Variants in ADAT2 observed in about 807,000 individuals in gnomAD.
The protein encoded by ADAT2 is tRNA-specific adenosine-34 deaminase catalytic subunit ADAT2.
Under a neutral mutation model 25.9 loss-of-function variants are expected in ADAT2, and 26 were observed. The ratio of observed to expected loss-of-function variants is 1.00; its 90% CI spans 0.74 to 1.39. ADAT2 has a LOEUF of 1.39. Ranked by LOEUF, ADAT2 falls within the 40% of genes most tolerant of loss-of-function variation. The pLI is 0.00. For synonymous variants in ADAT2, 76 were observed against 86.8 expected, an observed-to-expected ratio of 0.88 and a Z score of 0.69; for missense variants, 220 against 244.8, an observed-to-expected ratio of 0.90 and a Z score of 0.68.
Position 143,433,971 on chromosome 6 carries a change from T to C in ADAT2, c.212A>G (p.His71Arg), listed in dbSNP as rs982671785. The change falls in exon 3 of 6, where the codon CAT (histidine) becomes CGT (arginine). Residue 71 changes from histidine to arginine, a missense_variant. Coordinates refer to ENST00000237283, the MANE Select transcript of ADAT2 (RefSeq NM_182503.3). ...CTGATCGATGGCCACCATTTCTGCA[T>C]GTCGAGTAGCCTGAAAAGAGAAAGG... ...EVNQTKNATRHAEMVAIDQVL... is the reference protein window; with the variant it reads ...EVNQTKNATRRAEMVAIDQVL... 2.5e-6 allele frequency: 4 copies of C among 1,613,972 alleles called. No homozygotes were observed. Among genetic ancestry groups the C allele is most frequent in the African/African-American group, 2.7e-5 (2 of 74,940 alleles).
At position 143,428,703 on chromosome 6, in the gene ADAT2, T is replaced by G. The variant is rs748939731; in HGVS notation, c.460-19A>C. ...GGATACACTGATGGAATGAGAAAGT[T>G]GAGAATAAACATAGGCCTATGAAAA... On this transcript the variant is annotated intron_variant, in intron 4 of 5. Coordinates refer to ENST00000237283, the MANE Select transcript of ADAT2 (RefSeq NM_182503.3). The surrounding 1 kb of genome is among the most constrained non-coding windows in gnomAD (Gnocchi z 5.0). The G allele has an allele frequency of 6.2e-7, 1 of 1,612,478 alleles. No individual in the cohort carries two copies. Among genetic ancestry groups the G allele is most frequent in the South Asian group, 1.1e-5 (1 of 90,896 alleles).
chr6:143,437,815 A>G lies in ADAT2; in HGVS notation c.201+775T>C, dbSNP rs1408506625. Among the ~76,000 whole-genome samples, 1 of 152,230 alleles carries G rather than the reference A, an allele frequency of 6.6e-6. No homozygotes were observed. The highest frequency in any genetic ancestry group is 1.5e-5 in the Non-Finnish European group (1 of 68,036). Reference sequence around the variant, plus strand: ...GATAAAAGTCTGTGTGAATGGCATTACAGGTATAAGTGATCTTTGAGTCCA... The same window carrying G: ...GATAAAAGTCTGTGTGAATGGCATTGCAGGTATAAGTGATCTTTGAGTCCA... On this transcript the variant is annotated intron_variant, in intron 2 of 5. Transcript: ENST00000237283. The surrounding 1 kb of genome is among the most constrained non-coding windows in gnomAD (Gnocchi z 4.1).
At chr6:143,438,909 G>A (rs1377872868) in intron 1 of ADAT2, among the ~76,000 whole-genome samples, 1 of 152,110 alleles carries the variant, frequency 6.6e-6, no homozygotes, top group African/African-American at 2.4e-5. Flanking sequence ...AAATCCCCTT[G>A]ATAGGTCCAG....
chr6:143,447,839 G>A (rs1184556505), intron 1 of ADAT2, among the ~76,000 whole-genome samples: 1 of 152,124 alleles, frequency 6.6e-6, no homozygotes, highest in Admixed American at 6.5e-5. Flanking sequence ...ACAGTGTGGC[G>A]ATTCCTCAAG....
intron 1 of ADAT2, among the ~76,000 whole-genome samples, chr6:143,449,394 A>C (rs570386091): frequency 9.8e-5 from 15 of 152,288 alleles, no homozygotes; most frequent in Admixed American, 3.9e-4. Flanking sequence ...GTTTTCAAAG[A>C]ATTTCTAGAC....
rs918792378 is a variant in ADAT2, at chr6:143,425,354, A to G, written c.*3109T>C. The stretch of plus-strand genomic sequence containing the variant: ...ACATAGTGAGACCTTGTCTCTACAA[A>G]AAAAAAAAAAAAAAAAAATTAGGTG... On this transcript the variant is annotated 3_prime_UTR_variant, in exon 6 of 6. Coordinates refer to ENST00000237283, the MANE Select transcript of ADAT2 (RefSeq NM_182503.3). 54 of 83,946 alleles carry G rather than the reference A, an allele frequency of 6.4e-4. 1 individual carries two copies. Among genetic ancestry groups the G allele is most frequent in the Non-Finnish European group, 1.1e-3 (39 of 36,948 alleles). 5.2% of individuals were successfully genotyped at this position (83,946 alleles called of 1,614,324 possible).
rs1036676853 is a variant in ADAT2 at position 143,434,550 on chromosome 6, C to T, written c.202-569G>A. Among the ~76,000 whole-genome samples, 1 of 152,194 alleles carries T rather than the reference C, an allele frequency of 6.6e-6. No individual in the cohort carries two copies. The highest frequency in any genetic ancestry group is 2.4e-5 in the African/African-American group (1 of 41,452). On this transcript the variant is annotated intron_variant, in intron 2 of 5. Transcript: ENST00000237283. The surrounding 1 kb of genome is among the most constrained non-coding windows in gnomAD (Gnocchi z 4.5). ...GTAGAGGATAGGAGAAATCACATAG[C>T]ATGTGGAAGTGACTCCATTTAAATT...
intron 1 of ADAT2, among the ~76,000 whole-genome samples, chr6:143,448,947 G>A (rs1779674126): frequency 6.6e-6 from 1 of 151,940 alleles, no homozygotes; most frequent in Non-Finnish European, 1.5e-5. Flanking sequence ...CTTTTACGTC[G>A]GAAAGTACTT....
At position 143,426,711 on chromosome 6, in the gene ADAT2, C is replaced by T. The variant is rs2128737243; in HGVS notation, c.*1752G>A. The T allele has an allele frequency of 6.6e-6, 1 of 152,162 alleles. No homozygotes were observed. The highest frequency in any genetic ancestry group is 2.1e-4 in the South Asian group (1 of 4,818). The allele number at this position is 152,162 out of a possible 1,614,324, so 9.4% of individuals were successfully genotyped here. A position where few individuals can be genotyped will look rare whatever the true frequency, so the allele number is the denominator to read the frequency against. On this transcript the variant is annotated 3_prime_UTR_variant, in exon 6 of 6. Coordinates refer to ENST00000237283, the MANE Select transcript of ADAT2 (RefSeq NM_182503.3). The surrounding 1 kb of genome is among the most constrained non-coding windows in gnomAD (Gnocchi z 4.1). ...ACTATTTTCGGCTTTGGCTTTTTGTCCTAGATAGTCTTCTTATTCACTTTT... is the reference window on the plus strand; with the variant it reads ...ACTATTTTCGGCTTTGGCTTTTTGTTCTAGATAGTCTTCTTATTCACTTTT...
chr6:143,448,099 T>C (rs1161007172), intron 1 of ADAT2, among the ~76,000 whole-genome samples: 1 of 152,156 alleles, frequency 6.6e-6, no homozygotes, highest in Non-Finnish European at 1.5e-5. Context: ...TTTTCATTTG[T>C]AGGGACATGG....
In ADAT2 at chr6:143,444,841, G is replaced by A. The variant is rs182647194; in HGVS notation, c.96+5722C>T. On this transcript the variant is annotated intron_variant, in intron 1 of 5. Coordinates refer to ENST00000237283, the MANE Select transcript of ADAT2 (RefSeq NM_182503.3). The surrounding 1 kb of genome is among the most constrained non-coding windows in gnomAD (Gnocchi z 4.3). Reference sequence around the variant, plus strand: ...AAAGCACCTAGATGGAAGAGACTTCGTAGTTTATTATTTTCTCCAAAGACA... The same window carrying A: ...AAAGCACCTAGATGGAAGAGACTTCATAGTTTATTATTTTCTCCAAAGACA... 17 of 998,244 alleles carry A rather than the reference G, an allele frequency of 1.7e-5. No homozygotes were observed. The East Asian group carries it at 3.5e-4, about 20-fold the overall frequency. The allele number at this position is 998,244 out of a possible 1,614,324, so 61.8% of individuals were successfully genotyped here. A position where few individuals can be genotyped will look rare whatever the true frequency, so the allele number is the denominator to read the frequency against.
rs995422623 is a variant in ADAT2, at chr6:143,436,568, T to C, written c.201+2022A>G. ...TGCAAGGCCTTCCTGCACTGGTACA[T>C]GGGCGAGGGCAAGAATGAGATGGAA... On this transcript the variant is annotated intron_variant, in intron 2 of 5. Coordinates refer to ENST00000237283, the MANE Select transcript of ADAT2 (RefSeq NM_182503.3). The surrounding 1 kb of genome is among the most constrained non-coding windows in gnomAD (Gnocchi z 4.1). The C allele has an allele frequency of 2.4e-6, 1 of 412,440 alleles. No individual in the cohort carries two copies. The highest frequency in any genetic ancestry group is 2.1e-5 in the South Asian group (1 of 48,748). The allele number at this position is 412,440 out of a possible 1,614,324, so 25.5% of individuals were successfully genotyped here.
At position 143,434,867 on chromosome 6, in the gene ADAT2, G is replaced by GAGTA. The variant is rs781157655; in HGVS notation, c.202-890_202-887dup. On this transcript the variant is annotated intron_variant, in intron 2 of 5. Transcript: ENST00000237283. This position sits in a 1 kb window ranked among gnomAD's most constrained non-coding sequence, Gnocchi z 4.5. ...ATAGTATTTATCAATAATTTACACTGAGTATTAACCATGCACAAGCCACTG... is the reference window on the plus strand; with the variant it reads ...ATAGTATTTATCAATAATTTACACTGAGTAAGTATTAACCATGCACAAGCCACTG... Among the ~76,000 whole-genome samples, 31 of 152,068 alleles carry GAGTA rather than the reference G, an allele frequency of 2.0e-4. No homozygotes were observed. The highest frequency in any genetic ancestry group is 4.0e-4 in the Non-Finnish European group (27 of 68,036).
Position 143,424,698 on chromosome 6 carries a change from T to C in ADAT2, c.*3765A>G, listed in dbSNP as rs1215199980. 1 of 152,250 alleles carries C rather than the reference T, an allele frequency of 6.6e-6. No homozygotes were observed. The highest frequency in any genetic ancestry group is 1.5e-5 in the Non-Finnish European group (1 of 68,044). 9.4% of individuals were successfully genotyped at this position (152,250 alleles called of 1,614,324 possible). A position where few individuals can be genotyped will look rare whatever the true frequency, so the allele number is the denominator to read the frequency against. ...ATTTATTTCTCAGGCTTAATTTTGA[T>C]GCTTATTAAGATATCACTATTTAAA... is the stretch of plus-strand genomic sequence containing the variant. On this transcript the variant is annotated 3_prime_UTR_variant, in exon 6 of 6. Transcript: ENST00000237283. This position sits in a 1 kb window ranked among gnomAD's most constrained non-coding sequence, Gnocchi z 4.8.
At position 143,434,141 on chromosome 6, in the gene ADAT2, C is replaced by T. The variant is rs1249129379; in HGVS notation, c.202-160G>A. Among the ~76,000 whole-genome samples the T allele has an allele frequency of 2.0e-5, 3 of 152,130 alleles. No homozygotes were observed. The highest frequency in any genetic ancestry group is 6.5e-5 in the Admixed American group (1 of 15,270). On this transcript the variant is annotated intron_variant, in intron 2 of 5. Transcript: ENST00000237283. This position sits in a 1 kb window ranked among gnomAD's most constrained non-coding sequence, Gnocchi z 4.5. ...CCTTAGCAGTGGACAACGTATTCCCCAATTCAAGTACCATAACCTCACTTG... is the reference window on the plus strand; with the variant it reads ...CCTTAGCAGTGGACAACGTATTCCCTAATTCAAGTACCATAACCTCACTTG...
intron 1 of ADAT2, among the ~76,000 whole-genome samples, chr6:143,439,697 T>C (rs764923517): frequency 1.3e-5 from 2 of 152,182 alleles, no homozygotes; most frequent in Non-Finnish European, 2.9e-5. Flanking sequence ...TGCAGATTGA[T>C]TGGGGAGGTA....
chr6:143,444,624 T>TC lies in ADAT2; in HGVS notation c.97-5931_97-5930insG, dbSNP rs1360927300. 6.4e-6 allele frequency: 1 copy of TC among 155,108 alleles called. No homozygotes were observed. The highest frequency in any genetic ancestry group is 2.4e-5 in the African/African-American group (1 of 41,476). 9.6% of individuals were successfully genotyped at this position (155,108 alleles called of 1,614,324 possible). A position where few individuals can be genotyped will look rare whatever the true frequency, so the allele number is the denominator to read the frequency against. ...TGAATTTAACCTTTCTTGCCTTTTT[T>TC]AGGGGGAAAGACCAAGATCAGATAC... On this transcript the variant is annotated intron_variant, in intron 1 of 5. Coordinates refer to ENST00000237283, the MANE Select transcript of ADAT2 (RefSeq NM_182503.3). This position sits in a 1 kb window ranked among gnomAD's most constrained non-coding sequence, Gnocchi z 4.3.
intron 1 of ADAT2, among the ~76,000 whole-genome samples, chr6:143,439,346 CAAAA>C (rs35250658): frequency 2.4e-3 from 268 of 111,542 alleles, no homozygotes; most frequent in African/African-American, 8.1e-3. Flanking sequence ...TATGTGTCTA[CAAAA>C]AAAAAAAAAA....
chr6:143,435,862 T>G (rs1779258767), intron 2 of ADAT2, among the ~76,000 whole-genome samples: 4 of 152,226 alleles, frequency 2.6e-5, no homozygotes, highest in Admixed American at 2.6e-4. Context: ...AAACATCAGC[T>G]AATTGTTTGC....
Sources: gnomAD v4.1 joint callset for allele counts (sites outside exome capture counted in the v4.1 genomes callset) on GRCh38, gnomAD v4.1.1 for gene constraint, Gnocchi (gnomAD v3.1) non-coding constraint, MANE v1.5 for transcripts, NCBI Gene and HGNC (gene_info 2026-07-23, HGNC 2026-07-21) for gene names.